The following PTPRO variants were observed in gnomAD, a reference collection of about 807,000 sequenced individuals.
PTPRO encodes receptor-type tyrosine-protein phosphatase O.
In PTPRO, 62 loss-of-function variants were observed where a neutral mutation model predicts 145.2. The ratio of observed to expected loss-of-function variants is 0.43; its 90% CI spans 0.35 to 0.53. The LOEUF (loss-of-function observed/expected upper bound fraction) is 0.53, where lower values mean the gene tolerates loss of function less well. PTPRO is among the 20% of genes least tolerant of loss of function. The pLI is 0.01. For synonymous variants in PTPRO, 565 were observed against 514.7 expected (o/e 1.10, Z -1.32); for missense variants, 1,345 against 1,482.7 (o/e 0.91, Z 1.53).
chr12:15,595,180 T>C (rs1013271334), intron 26 of PTPRO, 123 bp downstream of exon 26: 21 of 717,354 alleles, frequency 2.9e-5, no homozygotes, highest in Non-Finnish European at 4.7e-5. Flanking sequence ...GAGTATTTCT[T>C]CCCAGCTCCT....
At chr12:15,406,864 G>A (rs1342234073) in intron 1 of PTPRO, among the ~76,000 whole-genome samples, 1 of 152,130 alleles carries the variant, frequency 6.6e-6, no homozygotes, top group East Asian at 1.9e-4. Flanking sequence ...GAACAATTTT[G>A]GGTCAATACG....
At chr12:15,472,271 TA>T (rs1941559544) in intron 1 of PTPRO, among the ~76,000 whole-genome samples, 1 of 152,164 alleles carries the variant, frequency 6.6e-6, no homozygotes, top group African/African-American at 2.4e-5. Context: ...ACACCCTCCT[TA>T]CTGCCTATTG....
intron 18 of PTPRO, among the ~76,000 whole-genome samples, chr12:15,566,185 T>G (rs1943893692): frequency 6.6e-6 from 1 of 152,204 alleles, no homozygotes; most frequent in South Asian, 2.1e-4. Flanking sequence ...CCAGTTGATT[T>G]CAAAAGCCTA....
At position 15,376,777 on chromosome 12, in the gene PTPRO, C is replaced by T. The variant is rs57809378; in HGVS notation, c.75+53976C>T. 1.2e-3 allele frequency among the ~76,000 whole-genome samples: 177 copies of T among 152,170 alleles called. 2 individuals carry two copies. In the East Asian group the frequency reaches 0.029, roughly 25 times the overall value. On this transcript the variant is annotated intron_variant, in intron 1 of 26. Coordinates refer to ENST00000281171, the MANE Select transcript of PTPRO (RefSeq NM_030667.3). ...TGTCTAGGGTTCTTTTAAATAAAGG[C>T]ATTAATACCATTAATGTGGGCTCCA...
At chr12:15,457,580 G>T (rs905069526) in intron 1 of PTPRO, among the ~76,000 whole-genome samples, 2 of 151,490 alleles carry the variant, frequency 1.3e-5, no homozygotes, top group African/African-American at 4.9e-5. Context: ...ATCTTCCTTT[G>T]TATTTTTTAA....
intron 1 of PTPRO, among the ~76,000 whole-genome samples, chr12:15,443,768 A>C (rs1174963485): frequency 1.3e-5 from 2 of 152,184 alleles, no homozygotes; most frequent in Admixed American, 6.6e-5. Flanking sequence ...GAGAAACGCA[A>C]AACAAAACCA....
At chr12:15,338,285 TTTTGTA>T (rs1413333549) in intron 1 of PTPRO, among the ~76,000 whole-genome samples, 6 of 152,218 alleles carry the variant, frequency 3.9e-5, no homozygotes, top group African/African-American at 1.4e-4. Flanking sequence ...TTGTTTTGTT[TTTTGTA>T]TGTGTGTGTG....
At position 15,565,605 on chromosome 12, in the gene PTPRO, T is replaced by C; in HGVS notation, c.2724T>C (p.Gly908=). ...AFYINPWSKN[G]LKKRKLTNPV... is the part of the protein sequence containing the mutation. ...TTTTAATTATCAGGAGTAAAAATGGTTTAAAGAAGAGGAAACTGACAAAGT... is the reference window on the plus strand; with the variant it reads ...TTTTAATTATCAGGAGTAAAAATGGCTTAAAGAAGAGGAAACTGACAAAGT... The change falls in exon 18 of 27, where the codon GGT becomes GGC. Residue 908 remains glycine (G), a synonymous_variant. Coordinates refer to ENST00000281171, the MANE Select transcript of PTPRO (RefSeq NM_030667.3). 1 of 1,455,778 alleles carries C rather than the reference T, an allele frequency of 6.9e-7. No individual in the cohort carries two copies. Among genetic ancestry groups the C allele is most frequent in the Non-Finnish European group, 9.6e-7 (1 of 1,039,950 alleles). 90.2% of individuals were successfully genotyped at this position (1,455,778 alleles called of 1,614,324 possible).
At chr12:15,433,909 T>C (rs982956278) in intron 1 of PTPRO, among the ~76,000 whole-genome samples, 6 of 152,358 alleles carry the variant, frequency 3.9e-5, no homozygotes, top group Admixed American at 3.3e-4. Context: ...CGTTGGTAGT[T>C]AGCAGCTTGT....
At chr12:15,521,989 A>C (rs747374025) in intron 10 of PTPRO, among the ~76,000 whole-genome samples, 6 of 152,180 alleles carry the variant, frequency 3.9e-5, no homozygotes, top group Admixed American at 3.9e-4. Context: ...ATGATTTTCT[A>C]TCTTTTCCTG....
intron 1 of PTPRO, among the ~76,000 whole-genome samples, chr12:15,414,516 T>G (rs2136317262): frequency 6.6e-6 from 1 of 152,328 alleles, no homozygotes; most frequent in South Asian, 2.1e-4. Context: ...GCATAGAAGT[T>G]ATTTTATTTT....
chr12:15,334,405 G>A (rs1866697597), intron 1 of PTPRO, among the ~76,000 whole-genome samples: 1 of 152,098 alleles, frequency 6.6e-6, no homozygotes, highest in Non-Finnish European at 1.5e-5. Flanking sequence ...TAAACATGCT[G>A]ATTCATGAGT....
At chr12:15,355,116 A>G (rs1210080953) in intron 1 of PTPRO, among the ~76,000 whole-genome samples, 3 of 152,204 alleles carry the variant, frequency 2.0e-5, no homozygotes, top group Non-Finnish European at 4.4e-5. Flanking sequence ...GAATTTAGAA[A>G]GTAAGACCAC....
intron 1 of PTPRO, among the ~76,000 whole-genome samples, chr12:15,429,182 T>C (rs886282945): frequency 6.6e-6 from 1 of 152,192 alleles, no homozygotes; most frequent in Non-Finnish European, 1.5e-5. Context: ...CGTGAGTGCT[T>C]ACCATGCACG....
chr12:15,330,265 A>G (rs1866569425), intron 1 of PTPRO, among the ~76,000 whole-genome samples: 1 of 152,238 alleles, frequency 6.6e-6, no homozygotes, highest in Non-Finnish European at 1.5e-5. Flanking sequence ...TTAGGGTGAC[A>G]GACAGTCAAA....
At chr12:15,528,748 T>C (rs912909746) in intron 12 of PTPRO, among the ~76,000 whole-genome samples, 6 of 151,494 alleles carry the variant, frequency 4.0e-5, no homozygotes, top group East Asian at 1.9e-4. Context: ...CTCTCAAAGG[T>C]CAAGGACAAA....
At chr12:15,332,116 C>T (rs1388117280) in intron 1 of PTPRO, among the ~76,000 whole-genome samples, 1 of 151,994 alleles carries the variant, frequency 6.6e-6, no homozygotes, top group African/African-American at 2.4e-5. Flanking sequence ...CAGGCATGCA[C>T]CAGCCTGCTC....
chr12:15,363,468 G>A (rs559823561), intron 1 of PTPRO, among the ~76,000 whole-genome samples: 34 of 152,186 alleles, frequency 2.2e-4, no homozygotes, highest in Non-Finnish European at 3.5e-4. Context: ...ATAGGCCAGA[G>A]CTATAAGCTG....
chr12:15,372,586 G>A (rs1591752720), intron 1 of PTPRO, among the ~76,000 whole-genome samples: 2 of 152,086 alleles, frequency 1.3e-5, no homozygotes, highest in African/African-American at 4.8e-5. Flanking sequence ...TTAAGTGGGA[G>A]GACAGTGTAA....
Sources: gnomAD v4.1 joint callset for allele counts (sites outside exome capture counted in the v4.1 genomes callset) on GRCh38, gnomAD v4.1.1 for gene constraint, MANE v1.5 for transcripts, NCBI Gene and HGNC (gene_info 2026-07-23, HGNC 2026-07-21) for gene names.